The following HIPK2 variants were observed in gnomAD, a reference collection of about 807,000 sequenced individuals.
HIPK2 encodes the protein homeodomain interacting protein kinase 2.
Under a neutral mutation model 113.7 loss-of-function variants are expected in HIPK2, and 27 were observed. The observed-to-expected ratio is 0.24, with a 90% confidence interval of 0.17 to 0.33. The LOEUF is 0.33. Ranked by LOEUF, HIPK2 falls within the 10% of genes least tolerant of loss-of-function variation. The pLI, the probability that HIPK2 is intolerant of heterozygous loss-of-function variation, is 1.00. For synonymous variants in HIPK2, 631 were observed against 642.2 expected, an observed-to-expected ratio of 0.98 and a Z score of 0.26; for missense variants, 1,257 against 1,588.0, an observed-to-expected ratio of 0.79 and a Z score of 3.54.
In HIPK2 at chr7:139,624,892, C is replaced by T. The variant is rs1800373789; in HGVS notation, c.1619+1709G>A. On this transcript the variant is annotated intron_variant, in intron 6 of 14. Coordinates refer to ENST00000406875, the MANE Select transcript of HIPK2 (RefSeq NM_022740.5). The stretch of plus-strand genomic sequence containing the variant: ...TACACTATAAACGATTCATGTCGAA[C>T]CTCAGGGCTCAACAATTCCACCGTA... 2.6e-5 allele frequency among the ~76,000 whole-genome samples: 4 copies of T among 152,312 alleles called. No individual in the cohort carries two copies. The South Asian group carries it at 8.3e-4, about 32-fold the overall frequency.
chr7:139,686,888 C>T (rs58572959), intron 2 of HIPK2, among the ~76,000 whole-genome samples: 5 of 152,192 alleles, frequency 3.3e-5, no homozygotes, highest in Non-Finnish European at 7.3e-5. Context: ...CTACAGAGAA[C>T]TCTTTCGTGA....
At chr7:139,663,203 C>T (rs967773846) in intron 2 of HIPK2, among the ~76,000 whole-genome samples, 2 of 152,244 alleles carry the variant, frequency 1.3e-5, no homozygotes, top group Non-Finnish European at 2.9e-5. Context: ...AGCTTCTCCT[C>T]CCAGTTCTGG....
intron 1 of HIPK2, among the ~76,000 whole-genome samples, chr7:139,753,192 T>G (rs1235017836): frequency 6.6e-6 from 1 of 152,172 alleles, no homozygotes; most frequent in Admixed American, 6.5e-5. Flanking sequence ...AGGGAGGTGA[T>G]GGAGACTGAG....
At chr7:139,698,733 C>T (rs1463330087) in intron 2 of HIPK2, among the ~76,000 whole-genome samples, 1 of 152,150 alleles carries the variant, frequency 6.6e-6, no homozygotes, top group Admixed American at 6.5e-5. Context: ...AATCTCTAAT[C>T]CTTACCACCC....
intron 1 of HIPK2, among the ~76,000 whole-genome samples, chr7:139,743,068 T>C (rs542906274): frequency 6.6e-6 from 1 of 152,322 alleles, no homozygotes; most frequent in South Asian, 2.1e-4. Flanking sequence ...AGGCCTTCAC[T>C]GCTTTGCAGG....
At chr7:139,674,831 C>G (rs10261979) in intron 2 of HIPK2, among the ~76,000 whole-genome samples, 79,244 of 151,966 alleles carry the variant, frequency 0.52, 21,648 homozygotes, top group Non-Finnish European at 0.6. Context: ...CTCCTGGTAG[C>G]GCTTACGATG....
chr7:139,611,733 G>A (rs563575127), intron 9 of HIPK2, among the ~76,000 whole-genome samples: 1 of 151,490 alleles, frequency 6.6e-6, no homozygotes, highest in Admixed American at 6.6e-5. Flanking sequence ...TTGTAGAGAT[G>A]GGGTCTCACT....
At chr7:139,577,140 CTTTTTTT>C (rs966966045) in intron 13 of HIPK2, among the ~76,000 whole-genome samples, 1 of 91,434 alleles carries the variant, frequency 1.1e-5, no homozygotes, top group Non-Finnish European at 2.1e-5. Flanking sequence ...ACTGGGCTTC[CTTTTTTT>C]TTTTTTTTTT....
chr7:139,774,014 A>T (rs1463764918), intron 1 of HIPK2, among the ~76,000 whole-genome samples: 1 of 152,226 alleles, frequency 6.6e-6, no homozygotes, highest in Non-Finnish European at 1.5e-5. Context: ...AGCTCAATGC[A>T]AATAAAGAAT....
intron 1 of HIPK2, among the ~76,000 whole-genome samples, chr7:139,741,909 C>T (rs780689567): frequency 1.3e-5 from 2 of 152,210 alleles, no homozygotes; most frequent in African/African-American, 2.4e-5. Context: ...TTTACATACA[C>T]TCTCTCATCT....
intron 2 of HIPK2, among the ~76,000 whole-genome samples, chr7:139,639,095 C>T (rs1157524639): frequency 6.6e-6 from 1 of 152,180 alleles, no homozygotes; most frequent in Non-Finnish European, 1.5e-5. Context: ...CTGCTCAACA[C>T]CCAGCCCATA....
In HIPK2 at chr7:139,604,447, T is replaced by C. The variant is rs147449415; in HGVS notation, c.2113-224A>G. Reference sequence around the variant, plus strand: ...CTGTAATCCTAGCACTTTGGGAGGCTGAGGAGAGCGGATCACGAGGTCAGG... The same window carrying C: ...CTGTAATCCTAGCACTTTGGGAGGCCGAGGAGAGCGGATCACGAGGTCAGG... On this transcript the variant is annotated intron_variant, in intron 9 of 14. Coordinates refer to ENST00000406875, the MANE Select transcript of HIPK2 (RefSeq NM_022740.5). 4.6e-3 allele frequency among the ~76,000 whole-genome samples: 693 copies of C among 152,058 alleles called. 7 individuals carry two copies. Among genetic ancestry groups the C allele is most frequent in the African/African-American group, 0.016 (650 of 41,468 alleles).
chr7:139,740,815 A>G (rs1796079078), intron 1 of HIPK2, among the ~76,000 whole-genome samples: 1 of 152,154 alleles, frequency 6.6e-6, no homozygotes, highest in African/African-American at 2.4e-5. Context: ...AAACACTCAC[A>G]CTTCATGTTT....
intron 2 of HIPK2, among the ~76,000 whole-genome samples, chr7:139,713,136 GC>G (rs1569479112): frequency 6.6e-6 from 1 of 152,124 alleles, no homozygotes; most frequent in Non-Finnish European, 1.5e-5. Flanking sequence ...GGACACAGGG[GC>G]CAGATGTGAC....
In HIPK2 at chr7:139,596,922, T is replaced by G. The variant is rs757642518; in HGVS notation, c.2512A>C (p.Thr838Pro). ...TGCACCATGGCACAGCGGGGAGGTGTGTTCTCCTTGACACGCTTGGATCGC... is the reference window on the plus strand; with the variant it reads ...TGCACCATGGCACAGCGGGGAGGTGGGTTCTCCTTGACACGCTTGGATCGC... Reference protein sequence around the residue: ...PQRSKRVKENTPPRCAMVHSS... With the variant: ...PQRSKRVKENPPPRCAMVHSS... Residue 838 changes from threonine (T) to proline (P), a missense_variant, in exon 12 of 15, where the codon ACA becomes CCA. Physicochemically the swap from Thr to Pro is conservative, Grantham distance 38 (BLOSUM62 -1). Coordinates refer to ENST00000406875, the MANE Select transcript of HIPK2 (RefSeq NM_022740.5). 1 of 1,613,026 alleles carries G rather than the reference T, an allele frequency of 6.2e-7. No homozygotes were observed. The highest frequency in any genetic ancestry group is 1.7e-4 in the Middle Eastern group (1 of 5,954).
chr7:139,757,378 C>T (rs754073604), intron 1 of HIPK2, among the ~76,000 whole-genome samples: 8 of 152,146 alleles, frequency 5.3e-5, no homozygotes, highest in Non-Finnish European at 8.8e-5. Context: ...ATTCAATAAG[C>T]ATTTATTGAG....
chr7:139,703,756 A>T (rs1309641604), intron 2 of HIPK2, among the ~76,000 whole-genome samples: 1 of 6,362 alleles, frequency 1.6e-4, no homozygotes, highest in African/African-American at 6.2e-4. Context: ...CACCACACAC[A>T]CACACACCCA....
chr7:139,752,917 A>G (rs1337457533), intron 1 of HIPK2, among the ~76,000 whole-genome samples: 2 of 152,122 alleles, frequency 1.3e-5, no homozygotes, highest in Non-Finnish European at 2.9e-5. Flanking sequence ...CATCGTAAAG[A>G]GAATCTAGGT....
chr7:139,693,323 T>C (rs925398570), intron 2 of HIPK2, among the ~76,000 whole-genome samples: 1 of 152,256 alleles, frequency 6.6e-6, no homozygotes, highest in Non-Finnish European at 1.5e-5. Flanking sequence ...AGGAGCCTTT[T>C]AACTGGAGCA....
Sources: allele counts gnomAD v4.1 joint callset (sites outside exome capture counted in the v4.1 genomes callset), GRCh38; gene constraint gnomAD v4.1.1; transcripts MANE v1.5; gene names NCBI Gene and HGNC (gene_info 2026-07-23, HGNC 2026-07-21).